The following SFSWAP variants were observed in gnomAD, a reference collection of about 807,000 sequenced individuals.
SFSWAP encodes the protein splicing factor, suppressor of white-apricot homolog.
Under a neutral mutation model 100.7 loss-of-function variants are expected in SFSWAP, and 17 were observed. The ratio of observed to expected loss-of-function variants is 0.17; its 90% CI spans 0.12 to 0.25. SFSWAP has a LOEUF of 0.25. Ranked by LOEUF, SFSWAP falls within the 10% of genes least tolerant of loss-of-function variation. The probability of loss-of-function intolerance (pLI) is 1.00; values close to 1 mark genes in which losing one functional copy is unlikely to be tolerated. For missense variants in SFSWAP, 1,005 were observed against 1,262.6 expected, an observed-to-expected ratio of 0.80 and a Z score of 3.09; for synonymous variants, 504 against 510.1, an observed-to-expected ratio of 0.99 and a Z score of 0.16.
chr12:131,780,862 T>G (rs1405589383), intron 14 of SFSWAP, among the ~76,000 whole-genome samples: 2 of 152,204 alleles, frequency 1.3e-5, no homozygotes, highest in Non-Finnish European at 2.9e-5. Flanking sequence ...CCGATCATTG[T>G]AAGAGCTGTT....
intron 3 of SFSWAP, 75 bp downstream of exon 3, chr12:131,715,028 T>G: frequency 6.7e-7 from 1 of 1,488,866 alleles, no homozygotes; most frequent in Non-Finnish European, 9.3e-7. Flanking sequence ...CGTGGTCCAG[T>G]CTGCAGAACA....
At chr12:131,789,970 C>T (rs1445856541) in intron 15 of SFSWAP, among the ~76,000 whole-genome samples, 10 of 152,180 alleles carry the variant, frequency 6.6e-5, no homozygotes, top group Admixed American at 4.6e-4. Flanking sequence ...TGAAGCAGCG[C>T]GGCTCTCCTG....
At chr12:131,795,091 C>A (rs537332667) in intron 15 of SFSWAP, among the ~76,000 whole-genome samples, 1 of 152,252 alleles carries the variant, frequency 6.6e-6, no homozygotes, top group Non-Finnish European at 1.5e-5. Flanking sequence ...AAAAATGACT[C>A]TTTCGTGCAG....
intron 7 of SFSWAP, among the ~76,000 whole-genome samples, chr12:131,738,361 A>T (rs1428343276): frequency 6.6e-6 from 1 of 152,250 alleles, no homozygotes; most frequent in East Asian, 1.9e-4. Context: ...AGCAAAGTGG[A>T]AAACACTGAG....
chr12:131,768,328 A>C (rs556465306), intron 13 of SFSWAP, among the ~76,000 whole-genome samples: 1 of 152,368 alleles, frequency 6.6e-6, no homozygotes, highest in East Asian at 1.9e-4. Flanking sequence ...TGACGTTTCT[A>C]AGAGTCCAGG....
chr12:131,722,815 G>A (rs1878603885), intron 4 of SFSWAP, among the ~76,000 whole-genome samples: 1 of 152,122 alleles, frequency 6.6e-6, no homozygotes, highest in South Asian at 2.1e-4. Context: ...CAGGCGTGGT[G>A]GTACATGCCT....
chr12:131,781,803 TTAAA>T (rs1176485107), intron 14 of SFSWAP, among the ~76,000 whole-genome samples: 1 of 152,214 alleles, frequency 6.6e-6, no homozygotes, highest in African/African-American at 2.4e-5. Context: ...TTAATTTTAG[TTAAA>T]TAAGGGATTT....
At chr12:131,713,927 A>C (rs902575604) in intron 1 of SFSWAP, 144 bp from the exon 2 acceptor site, 1 of 475,730 alleles carries the variant, frequency 2.1e-6, no homozygotes, top group Non-Finnish European at 3.5e-6. Flanking sequence ...ATCTGGGAAG[A>C]GTTTTTATAC....
chr12:131,722,678 C>T (rs1593112569), intron 4 of SFSWAP, among the ~76,000 whole-genome samples: 1 of 151,504 alleles, frequency 6.6e-6, no homozygotes, highest in Non-Finnish European at 1.5e-5. Flanking sequence ...CCAGGTGCAG[C>T]GGCTCATGTC....
At chr12:131,787,564 G>A (rs971138083) in intron 15 of SFSWAP, among the ~76,000 whole-genome samples, 1 of 152,214 alleles carries the variant, frequency 6.6e-6, no homozygotes, top group Non-Finnish European at 1.5e-5. Flanking sequence ...CACAGAGAAG[G>A]ATGGAGCATT....
At chr12:131,785,361 C>G (rs1286020179) in intron 14 of SFSWAP, 1 of 724,826 alleles carries the variant, frequency 1.4e-6, no homozygotes, top group Non-Finnish European at 2.2e-6. Context: ...TGAGTGATCC[C>G]GAGCTGATCT....
In SFSWAP at chr12:131,714,023, A is replaced by C; in HGVS notation, c.219-48A>C. The C allele has an allele frequency of 7.1e-6, 10 of 1,405,710 alleles. No homozygotes were observed. Among genetic ancestry groups the C allele is most frequent in the Non-Finnish European group, 1.0e-5 (10 of 996,932 alleles). 87.1% of individuals were successfully genotyped at this position (1,405,710 alleles called of 1,614,324 possible). On this transcript the variant is annotated intron_variant, in intron 1 of 17. Coordinates refer to ENST00000261674, the MANE Select transcript of SFSWAP (RefSeq NM_004592.4). This position sits in a 1 kb window ranked among gnomAD's most constrained non-coding sequence, Gnocchi z 6.0. Reference sequence around the variant, plus strand: ...ATATAAAACATCACACACGCACACCAGTCTAGACGTTAATTTCCTTTTATT... The same window carrying C: ...ATATAAAACATCACACACGCACACCCGTCTAGACGTTAATTTCCTTTTATT...
chr12:131,794,385 A>T lies in SFSWAP; in HGVS notation c.2535-2793A>T, dbSNP rs1209061065. Among the ~76,000 whole-genome samples the T allele has an allele frequency of 6.6e-6, 1 of 151,852 alleles. No individual in the cohort carries two copies. Among genetic ancestry groups the T allele is most frequent in the African/African-American group, 2.4e-5 (1 of 41,334 alleles). On this transcript the variant is annotated intron_variant, in intron 15 of 17. Transcript: ENST00000261674. This position sits in a 1 kb window ranked among gnomAD's most constrained non-coding sequence, Gnocchi z 4.8. ...CCCCATCTCTACTTAAAAAAAAAAA[A>T]AATTAGCCATTTGTGGTGGCGTCTG...
intron 7 of SFSWAP, among the ~76,000 whole-genome samples, chr12:131,732,954 C>T (rs1344180146): frequency 6.6e-6 from 1 of 152,168 alleles, no homozygotes; most frequent in East Asian, 1.9e-4. Context: ...AAGGGCGGGG[C>T]TAGTGTCCTT....
In SFSWAP at chr12:131,772,325, A is replaced by G. The variant is rs114447156; in HGVS notation, c.2143-5740A>G. 2.2e-3 allele frequency among the ~76,000 whole-genome samples: 335 copies of G among 152,340 alleles called. 1 individual carries two copies. Among genetic ancestry groups the G allele is most frequent in the African/African-American group, 7.7e-3 (321 of 41,582 alleles). On this transcript the variant is annotated intron_variant, in intron 13 of 17. Coordinates refer to ENST00000261674, the MANE Select transcript of SFSWAP (RefSeq NM_004592.4). ...ATCGTTAGGAAAGGTGATTTTACAT[A>G]TTCAGGTACAGTTGTAAATGATGTC...
Position 131,778,449 on chromosome 12 carries a change from T to C in SFSWAP, c.2408+119T>C. On this transcript the variant is annotated intron_variant, in intron 14 of 17. Coordinates refer to ENST00000261674, the MANE Select transcript of SFSWAP (RefSeq NM_004592.4). The surrounding 1 kb of genome is among the most constrained non-coding windows in gnomAD (Gnocchi z 4.2). Reference sequence around the variant, plus strand: ...GTGCCGCTTTCATTAAGCAGACGCGTGTATGCATGTGCATGTGTGCCCTGC... The same window carrying C: ...GTGCCGCTTTCATTAAGCAGACGCGCGTATGCATGTGCATGTGTGCCCTGC... The C allele has an allele frequency of 7.0e-7, 1 of 1,431,888 alleles. No homozygotes were observed. Among genetic ancestry groups the C allele is most frequent in the Admixed American group, 2.5e-5 (1 of 40,532 alleles). 88.7% of individuals were successfully genotyped at this position (1,431,888 alleles called of 1,614,324 possible).
intron 7 of SFSWAP, among the ~76,000 whole-genome samples, chr12:131,740,632 T>G (rs1474484693): frequency 6.6e-6 from 1 of 152,188 alleles, no homozygotes; most frequent in African/African-American, 2.4e-5. Flanking sequence ...GTGTTTCTCT[T>G]TGGCACTCAG....
intron 14 of SFSWAP, among the ~76,000 whole-genome samples, chr12:131,782,853 A>G (rs998639883): frequency 1.3e-5 from 2 of 152,162 alleles, no homozygotes; most frequent in African/African-American, 4.8e-5. Context: ...CAAAAAGTAT[A>G]CTAGTTACGA....
chr12:131,753,102 C>T (rs772578656), intron 7 of SFSWAP, 21 bp from the exon 8 acceptor site: 31 of 1,613,208 alleles, frequency 1.9e-5, no homozygotes, highest in South Asian at 7.7e-5. Flanking sequence ...ATGCTCACTC[C>T]GGGGCAATGT....
Sources: allele counts gnomAD v4.1 joint callset (sites outside exome capture counted in the v4.1 genomes callset), GRCh38; gene constraint gnomAD v4.1.1; non-coding constraint Gnocchi (gnomAD v3.1); transcripts MANE v1.5; gene names NCBI Gene and HGNC (gene_info 2026-07-23, HGNC 2026-07-21).